Variants in TENT4B observed in about 807,000 individuals in gnomAD.
TENT4B encodes terminal nucleotidyltransferase 4B, also known as PAP associated domain containing 5.
TENT4B carries 10 observed loss-of-function variants against 75.0 expected under a neutral mutation model. The ratio of observed to expected loss-of-function variants is 0.13; its 90% CI spans 0.08 to 0.23. The LOEUF (loss-of-function observed/expected upper bound fraction) is 0.23. TENT4B is among the 10% of genes least tolerant of loss of function. TENT4B has a pLI of 1.00. For missense variants in TENT4B, 579 were observed against 893.8 expected, an observed-to-expected ratio of 0.65 and a Z score of 4.49; for synonymous variants, 350 against 357.7, an observed-to-expected ratio of 0.98 and a Z score of 0.24.
In TENT4B at chr16:50,231,657, T is replaced by C. The variant is rs1158560936; in HGVS notation, c.*2329T>C. The stretch of plus-strand genomic sequence containing the variant: ...TAGTTTTTCCTGTACTGCTGAAGTT[T>C]CTTTTTGGTAAACAGTATCTTTCTA... On this transcript the variant is annotated 3_prime_UTR_variant, in exon 12 of 12. Transcript: ENST00000561678. 7.1e-6 allele frequency: 7 copies of C among 985,770 alleles called. No homozygotes were observed. The highest frequency in any genetic ancestry group is 8.4e-6 in the Non-Finnish European group (7 of 829,936). 61.1% of individuals were successfully genotyped at this position (985,770 alleles called of 1,614,324 possible). A position where few individuals can be genotyped will look rare whatever the true frequency, so the allele number is the denominator to read the frequency against.
chr16:50,169,731 GCAGGT>G (rs2038170645), intron 1 of TENT4B, among the ~76,000 whole-genome samples: 1 of 152,162 alleles, frequency 6.6e-6, no homozygotes, highest in Non-Finnish European at 1.5e-5. Flanking sequence ...GAGAAGCAAG[GCAGGT>G]CACAGGAAAG....
At position 50,233,365 on chromosome 16, in the gene TENT4B, C is replaced by T. The variant is rs1040275316; in HGVS notation, c.*4037C>T. On this transcript the variant is annotated 3_prime_UTR_variant, in exon 12 of 12. Transcript: ENST00000561678. Reference sequence around the variant, plus strand: ...AAAGATCAAATTTTAATATGCTTCTCGATATTTAACATAGCTAAGAAGCCA... The same window carrying T: ...AAAGATCAAATTTTAATATGCTTCTTGATATTTAACATAGCTAAGAAGCCA... The T allele has an allele frequency of 2.1e-5, 21 of 985,176 alleles. No individual in the cohort carries two copies. The South Asian group carries it at 2.3e-4, about 11-fold the overall frequency. The allele number at this position is 985,176 out of a possible 1,614,324, so 61.0% of individuals were successfully genotyped here. A position where few individuals can be genotyped will look rare whatever the true frequency, so the allele number is the denominator to read the frequency against.
intron 10 of TENT4B, among the ~76,000 whole-genome samples, chr16:50,226,854 A>C (rs2032079403): frequency 6.6e-6 from 1 of 152,194 alleles, no homozygotes; most frequent in Admixed American, 6.5e-5. Context: ...CCCAAGAAGA[A>C]ACCCTGCATT....
rs140062567 is a variant in TENT4B, at chr16:50,204,616, G to A, written c.639-6707G>A. Among the ~76,000 whole-genome samples the A allele has an allele frequency of 5.9e-3, 897 of 152,210 alleles. 9 individuals carry two copies. The highest frequency in any genetic ancestry group is 0.02 in the African/African-American group (830 of 41,540). ...CTGAAGATGTCACCCAGATTGCCCT[G>A]CCATCACCCCAGGGCCTTGAGTCAC... On this transcript the variant is annotated intron_variant, in intron 1 of 11. Transcript: ENST00000561678.
At chr16:50,209,401 A>G (rs1416166208) in intron 1 of TENT4B, among the ~76,000 whole-genome samples, 3 of 152,224 alleles carry the variant, frequency 2.0e-5, no homozygotes, top group Non-Finnish European at 4.4e-5. Context: ...AAGGGTTTAG[A>G]TAACCTTAGA....
At chr16:50,229,092 T>C in intron 11 of TENT4B, 60 bp from the exon 12 acceptor site, 7 of 1,587,466 alleles carry the variant, frequency 4.4e-6, no homozygotes, top group Non-Finnish European at 5.1e-6. Flanking sequence ...TCCAGGTGTT[T>C]GAGAACACTC....
In TENT4B at chr16:50,233,438, T is replaced by C; in HGVS notation, c.*4110T>C. ...ACATGATTTGAAAACTTGACCTAAC[T>C]GGAAGCCTTTTTCTCAGTCATCTTG... On this transcript the variant is annotated 3_prime_UTR_variant, in exon 12 of 12. Transcript: ENST00000561678. 1.0e-6 allele frequency: 1 copy of C among 985,424 alleles called. No individual in the cohort carries two copies. The highest frequency in any genetic ancestry group is 1.2e-6 in the Non-Finnish European group (1 of 829,928). The allele number at this position is 985,424 out of a possible 1,614,324, so 61.0% of individuals were successfully genotyped here. A position where few individuals can be genotyped will look rare whatever the true frequency, so the allele number is the denominator to read the frequency against.
intron 5 of TENT4B, among the ~76,000 whole-genome samples, chr16:50,219,272 G>A (rs533386955): frequency 6.6e-6 from 1 of 152,144 alleles, no homozygotes; most frequent in African/African-American, 2.4e-5. Flanking sequence ...ATTGTTTTTT[G>A]CGTTGCTTTT....
rs537004798 is a variant in TENT4B at position 50,199,005 on chromosome 16, G to A, written c.639-12318G>A. Among the ~76,000 whole-genome samples, 199 of 152,362 alleles carry A rather than the reference G, an allele frequency of 1.3e-3. 1 individual carries two copies. Among genetic ancestry groups the A allele is most frequent in the Non-Finnish European group, 2.3e-3 (158 of 68,034 alleles). ...TAGTGACTCCAGAGAAAGCTCAAGT[G>A]CCTATCTCTCCCCTGACTTTGATTC... On this transcript the variant is annotated intron_variant, in intron 1 of 11. Transcript: ENST00000561678.
At chr16:50,207,852 G>A (rs539209778) in intron 1 of TENT4B, among the ~76,000 whole-genome samples, 36 of 152,130 alleles carry the variant, frequency 2.4e-4, no homozygotes, top group Non-Finnish European at 4.0e-4. Flanking sequence ...CTCTACAAAC[G>A]GACTTCCAGC....
At chr16:50,185,776 C>CACCA (rs2038514369) in intron 1 of TENT4B, among the ~76,000 whole-genome samples, 1 of 152,042 alleles carries the variant, frequency 6.6e-6, no homozygotes, top group South Asian at 2.1e-4. Flanking sequence ...GATTCACCTG[C>CACCA]ACACCCTTGG....
chr16:50,192,815 G>T (rs2029937383), intron 1 of TENT4B, among the ~76,000 whole-genome samples: 1 of 152,148 alleles, frequency 6.6e-6, no homozygotes, highest in Non-Finnish European at 1.5e-5. Context: ...GGCCAGGCGT[G>T]GTGGCTCATG....
At chr16:50,223,601 A>G (rs2031921414) in intron 7 of TENT4B, among the ~76,000 whole-genome samples, 1 of 152,254 alleles carries the variant, frequency 6.6e-6, no homozygotes, top group Admixed American at 6.5e-5. Context: ...AGGGAGTAGA[A>G]TCTGTTTAAC....
At position 50,227,335 on chromosome 16, in the gene TENT4B, C is replaced by T. The variant is rs565044903; in HGVS notation, c.1801-504C>T. On this transcript the variant is annotated intron_variant, in intron 10 of 11. Coordinates refer to ENST00000561678, the MANE Select transcript of TENT4B (RefSeq NM_001365324.3). Reference sequence around the variant, plus strand: ...GCCAGGGTGGAGACCTGCAGAGAGACGTAGCATTGTCATGGCCCATGCAGC... The same window carrying T: ...GCCAGGGTGGAGACCTGCAGAGAGATGTAGCATTGTCATGGCCCATGCAGC... Among the ~76,000 whole-genome samples the T allele has an allele frequency of 8.9e-4, 136 of 152,254 alleles. 2 individuals carry two copies. The highest frequency in any genetic ancestry group is 3.4e-3 in the Middle Eastern group (1 of 294).
intron 1 of TENT4B, among the ~76,000 whole-genome samples, chr16:50,180,400 G>A (rs949285267): frequency 2.0e-5 from 3 of 152,160 alleles, no homozygotes; most frequent in African/African-American, 4.8e-5. Flanking sequence ...ACTGTGCCCA[G>A]CCTTCACATA....
At chr16:50,179,459 A>G (rs1252839595) in intron 1 of TENT4B, among the ~76,000 whole-genome samples, 1 of 152,170 alleles carries the variant, frequency 6.6e-6, no homozygotes, top group African/African-American at 2.4e-5. Flanking sequence ...GACTTGATAG[A>G]ACACACTAAT....
At chr16:50,225,357 C>G (rs774325952) in intron 10 of TENT4B, 72 bp downstream of exon 10, 7 of 1,372,982 alleles carry the variant, frequency 5.1e-6, no homozygotes, top group East Asian at 2.3e-5. Context: ...AACACTGTCT[C>G]GAAGGCTAAG....
At chr16:50,225,337 T>TG in intron 10 of TENT4B, 52 bp downstream of exon 10, 2 of 1,525,058 alleles carry the variant, frequency 1.3e-6, no homozygotes, top group Non-Finnish European at 1.8e-6. Context: ...CACGTTCTCT[T>TG]GCTGGGGTTA....
At chr16:50,169,780 G>T (rs1207282183) in intron 1 of TENT4B, among the ~76,000 whole-genome samples, 1 of 152,156 alleles carries the variant, frequency 6.6e-6, no homozygotes, top group African/African-American at 2.4e-5. Flanking sequence ...TGCCCCATGC[G>T]TGCATGCATG....
Sources: gnomAD v4.1 joint callset for allele counts (sites outside exome capture counted in the v4.1 genomes callset) on GRCh38, gnomAD v4.1.1 for gene constraint, MANE v1.5 for transcripts, NCBI Gene and HGNC (gene_info 2026-07-23, HGNC 2026-07-21) for gene names.